DUSP15: variants seen among roughly 807,000 people sequenced by gnomAD.
The protein encoded by DUSP15 is dual specificity phosphatase 15.
DUSP15 carries 23 observed loss-of-function variants against 26.3 expected under a neutral mutation model. The ratio of observed to expected loss-of-function variants is 0.87; its 90% CI spans 0.63 to 1.24. The LOEUF is 1.24. Among genes scored for constraint, DUSP15 ranks in the 50% most tolerant of loss-of-function variants. The pLI is 0.00. For missense variants in DUSP15, 364 were observed against 320.6 expected (o/e 1.14, Z -1.03); for synonymous variants, 143 against 135.5 (o/e 1.06, Z -0.39).
At chr20:31,864,044 C>A in intron 4 of DUSP15, 63 bp from the exon 5 acceptor site, 3 of 1,605,930 alleles carry the variant, frequency 1.9e-6, no homozygotes, top group Non-Finnish European at 2.6e-6. Flanking sequence ...GTTGTTCCGC[C>A]CCCACCCCAA....
downstream of DUSP15, chr20:31,845,657 CCTGG>C: frequency 7.7e-7 from 1 of 1,298,012 alleles, no homozygotes; most frequent in Admixed American, 2.4e-5. Flanking sequence ...AGCCTCCCAG[CCTGG>C]AAAGGCAAAA....
downstream of DUSP15, among the ~76,000 whole-genome samples, chr20:31,847,326 C>T (rs147789612): frequency 6.6e-6 from 1 of 152,128 alleles, no homozygotes; most frequent in Non-Finnish European, 1.5e-5. Flanking sequence ...AGCGGAGAGT[C>T]GCTGGGTCCC....
At chr20:31,850,142 A>G (rs942059691) in intron 7 of DUSP15, among the ~76,000 whole-genome samples, 3 of 152,226 alleles carry the variant, frequency 2.0e-5, no homozygotes, top group Admixed American at 6.5e-5. Context: ...CCTCCCAGCA[A>G]ATCTTCTGGG....
chr20:31,849,896 A>C, intron 7 of DUSP15: 1 of 1,459,486 alleles, frequency 6.9e-7, no homozygotes, highest in Non-Finnish European at 9.0e-7. Context: ...GAGAGGGTGC[A>C]CGGGCTGGAC....
chr20:31,869,127 G>A (rs957490461), intron 2 of DUSP15, among the ~76,000 whole-genome samples: 1 of 152,194 alleles, frequency 6.6e-6, no homozygotes, highest in African/African-American at 2.4e-5. Context: ...CAGCTTCCCC[G>A]CTAGAAGCAG....
At position 31,869,524 on chromosome 20, in the gene DUSP15, C is replaced by A. The variant is rs1265099547; in HGVS notation, c.55+40G>T. ...ATGGTGGACACAGGCCTGAGACAGGCAGAGTGCCATGGCCTCGGGACAGAG... is the reference window on the plus strand; with the variant it reads ...ATGGTGGACACAGGCCTGAGACAGGAAGAGTGCCATGGCCTCGGGACAGAG... On this transcript the variant is annotated intron_variant, in intron 2 of 6. Coordinates refer to ENST00000339738, the MANE Select transcript of DUSP15 (RefSeq NM_080611.5). The A allele has an allele frequency of 2.5e-6, 4 of 1,603,418 alleles. No individual in the cohort carries two copies. In the Admixed American group the frequency reaches 5.1e-5, roughly 21 times the overall value.
chr20:31,864,089 C>A, intron 4 of DUSP15, 108 bp from the exon 5 acceptor site: 1 of 1,549,396 alleles, frequency 6.5e-7, no homozygotes, highest in Non-Finnish European at 8.7e-7. Flanking sequence ...GCCCTGGGGT[C>A]CCCAGGTCAG....
At chr20:31,849,993 A>G in intron 7 of DUSP15, 1 of 1,265,784 alleles carries the variant, frequency 7.9e-7, no homozygotes, top group Non-Finnish European at 1.0e-6. Flanking sequence ...TACCTCGGAA[A>G]TTTTGGGTGC....
chr20:31,861,797 C>T (rs1367613200), intron 6 of DUSP15, 122 bp from the exon 7 acceptor site: 2 of 769,680 alleles, frequency 2.6e-6, no homozygotes, highest in African/African-American at 1.9e-5. Context: ...CTCGCTGAGC[C>T]CCTCCCTTCC....
chr20:31,856,178 G>A (rs549748752), downstream of DUSP15, among the ~76,000 whole-genome samples: 51 of 152,308 alleles, frequency 3.3e-4, no homozygotes, highest in African/African-American at 1.2e-3. Flanking sequence ...GGCATTGCAG[G>A]CAAAGGGAAT....
At chr20:31,864,824 A>C in intron 4 of DUSP15, 129 bp downstream of exon 4, 2 of 963,230 alleles carry the variant, frequency 2.1e-6, no homozygotes, top group Non-Finnish European at 3.2e-6. Flanking sequence ...CAAACCTGGG[A>C]CTGGTTGAGT....
At chr20:31,854,196 T>C (rs1389525892) in intron 6 of DUSP15, among the ~76,000 whole-genome samples, 1 of 151,116 alleles carries the variant, frequency 6.6e-6, no homozygotes, top group Non-Finnish European at 1.5e-5. Flanking sequence ...AACTGATGAA[T>C]TGCACTCAAT....
At chr20:31,859,692 C>G (rs912676374), downstream of DUSP15, among the ~76,000 whole-genome samples, 2 of 152,318 alleles carry the variant, frequency 1.3e-5, no homozygotes, top group East Asian at 1.9e-4. Context: ...GGGTCTCGCT[C>G]TGTCACCCAG....
In DUSP15 at chr20:31,850,413, T is replaced by C. The variant is rs114712524; in HGVS notation, c.491+199A>G. Among the ~76,000 whole-genome samples, 1,074 of 152,264 alleles carry C rather than the reference T, an allele frequency of 7.1e-3. 16 individuals are homozygous for C. The highest frequency in any genetic ancestry group is 0.024 in the African/African-American group (1,016 of 41,538). On this transcript the variant is annotated intron_variant, in intron 7 of 9. Transcript: ENST00000278979. ...TTGGGCATATGTAAAATGGGAATAA[T>C]AGCAGCATCTGGGGGCTGTGGGGAG...
chr20:31,854,283 CAG>C (rs1452096817), intron 6 of DUSP15, among the ~76,000 whole-genome samples: 8 of 152,102 alleles, frequency 5.3e-5, no homozygotes. Flanking sequence ...TTGTGGGTGC[CAG>C]GAGTGAGACT....
intron 2 of DUSP15, among the ~76,000 whole-genome samples, chr20:31,869,164 A>G (rs2062848249): frequency 6.6e-6 from 1 of 152,152 alleles, no homozygotes; most frequent in African/African-American, 2.4e-5. Context: ...TCAACCCAGA[A>G]CCTCAGGGCC....
intron 6 of DUSP15, among the ~76,000 whole-genome samples, chr20:31,850,897 C>G (rs545082416): frequency 6.6e-6 from 1 of 152,238 alleles, no homozygotes; most frequent in South Asian, 2.1e-4. Context: ...CCGGAGCCAT[C>G]CTGAGCATTG....
At chr20:31,863,765 G>C in intron 5 of DUSP15, 142 bp downstream of exon 5, 1 of 796,900 alleles carries the variant, frequency 1.3e-6, no homozygotes, top group Middle Eastern at 3.7e-4. Context: ...CCTCTCTCCA[G>C]TGAATGGTGG....
chr20:31,854,355 G>A (rs1047610524), intron 6 of DUSP15, among the ~76,000 whole-genome samples: 1 of 152,198 alleles, frequency 6.6e-6, no homozygotes, highest in Non-Finnish European at 1.5e-5. Flanking sequence ...ACCTAACCTC[G>A]TGAGGTTGGG....
Sources: allele counts gnomAD v4.1 joint callset (sites outside exome capture counted in the v4.1 genomes callset), GRCh38; gene constraint gnomAD v4.1.1; transcripts MANE v1.5; gene names NCBI Gene and HGNC (gene_info 2026-07-23, HGNC 2026-07-21).